Variants in SLC39A14 observed in about 807,000 individuals in gnomAD.
The protein encoded by SLC39A14 is solute carrier family 39 member 14.
A neutral mutation model predicts 45.5 loss-of-function variants in SLC39A14; 19 were observed. The observed-to-expected ratio is 0.42, with a 90% confidence interval of 0.29 to 0.61. SLC39A14 has a LOEUF of 0.61. Ranked by LOEUF, SLC39A14 falls within the 20% of genes least tolerant of loss-of-function variation. SLC39A14 has a pLI of 0.22. For synonymous variants in SLC39A14, 264 were observed against 251.3 expected, an observed-to-expected ratio of 1.05 and a Z score of -0.48; for missense variants, 447 against 616.5, an observed-to-expected ratio of 0.73 and a Z score of 2.91.
chr8:22,396,599 A>AGAGAGAGAGAGAGAGAGAGAG (rs1563535103), intron 1 of SLC39A14, among the ~76,000 whole-genome samples: 2 of 104,400 alleles, frequency 1.9e-5, no homozygotes, highest in Non-Finnish European at 2.0e-5. Context: ...AGAGAGAGAG[A>AGAGAGAGAGAGAGAGAGAGAG]AGACTAAGTG....
intron 1 of SLC39A14, among the ~76,000 whole-genome samples, chr8:22,395,257 C>T (rs1834320945): frequency 6.6e-6 from 1 of 152,126 alleles, no homozygotes; most frequent in South Asian, 2.1e-4. Context: ...TGAGCCACTG[C>T]ACCCAGCCAG....
At chr8:22,372,839 T>C (rs1220336460) in intron 1 of SLC39A14, among the ~76,000 whole-genome samples, 2 of 152,100 alleles carry the variant, frequency 1.3e-5, no homozygotes, top group Non-Finnish European at 2.9e-5. Context: ...TCTCACTACG[T>C]TACCCAAGCT....
intron 8 of SLC39A14, chr8:22,433,799 T>A (rs923906702): frequency 1.0e-5 from 2 of 197,994 alleles, no homozygotes; most frequent in African/African-American, 4.8e-5. Flanking sequence ...TGAGCTCAAG[T>A]GATCTTCCCG....
intron 5 of SLC39A14, chr8:22,415,200 G>A (rs1835801269): frequency 3.0e-6 from 1 of 338,532 alleles, no homozygotes; most frequent in South Asian, 3.6e-5. Context: ...ATGGGGAGAA[G>A]AGCTTGATAC....
rs374346653 is a variant in SLC39A14, at chr8:22,405,173, C to T, written c.270+193C>T. On this transcript the variant is annotated intron_variant, in intron 2 of 8. Coordinates refer to ENST00000381237, the MANE Select transcript of SLC39A14 (RefSeq NM_001128431.4). ...GAATCAGCAAATTCTGAGTCTTCTGCAGCACCTTCTGACCCCCTGCATAGG... is the reference window on the plus strand; with the variant it reads ...GAATCAGCAAATTCTGAGTCTTCTGTAGCACCTTCTGACCCCCTGCATAGG... 7.9e-5 allele frequency among the ~76,000 whole-genome samples: 12 copies of T among 152,360 alleles called. No individual in the cohort carries two copies. The East Asian group carries it at 2.3e-3, about 29-fold the overall frequency.
chr8:22,408,376 G>C lies in SLC39A14; in HGVS notation c.337G>C (p.Glu113Gln), dbSNP rs748892669. 5.6e-6 allele frequency: 9 copies of C among 1,614,144 alleles called. No individual in the cohort carries two copies. In the East Asian group the frequency reaches 2.0e-4, roughly 36 times the overall value. ...FSEQSRIGSS[E>Q]LQEFCPTILQ... ...CGAGCAGTCGCGGATTGGGAGCAGC[G>C]AGCTCCAGGAGTTCTGCCCCACCAT... The change falls in exon 3 of 9, where the codon GAG becomes CAG. Residue 113 changes from glutamate to glutamine, a missense_variant. Around this residue, in one of 2 missense-constraint regions of SLC39A14, gnomAD observed 342 missense variants for 428.1 expected, o/e 0.80. Transcript: ENST00000381237.
chr8:22,406,787 C>T (rs1194739997), intron 2 of SLC39A14, among the ~76,000 whole-genome samples: 1 of 152,180 alleles, frequency 6.6e-6, no homozygotes, highest in Non-Finnish European at 1.5e-5. Flanking sequence ...AGCACGCCCC[C>T]GTGCCCCCGC....
intron 2 of SLC39A14, among the ~76,000 whole-genome samples, chr8:22,407,780 C>T (rs1835313163): frequency 6.6e-6 from 1 of 151,420 alleles, no homozygotes; most frequent in Non-Finnish European, 1.5e-5. Context: ...GATCATAGCT[C>T]CTTCACTGTA....
chr8:22,417,995 CG>C (rs1356312686), intron 8 of SLC39A14, among the ~76,000 whole-genome samples, 160 bp downstream of exon 8: 11 of 151,868 alleles, frequency 7.2e-5, no homozygotes, highest in Non-Finnish European at 1.6e-4. Context: ...CTCCGCGTCC[CG>C]GGTTCAAGTG....
chr8:22,420,632 T>C lies in SLC39A14; in HGVS notation c.*934T>C, dbSNP rs1373786016. 1.0e-6 allele frequency: 1 copy of C among 985,224 alleles called. No individual in the cohort carries two copies. Among genetic ancestry groups the C allele is most frequent in the African/African-American group, 1.7e-5 (1 of 57,202 alleles). The allele number at this position is 985,224 out of a possible 1,614,324, so 61.0% of individuals were successfully genotyped here. A position where few individuals can be genotyped will look rare whatever the true frequency, so the allele number is the denominator to read the frequency against. On this transcript the variant is annotated 3_prime_UTR_variant, in exon 9 of 9. Transcript: ENST00000381237. Reference sequence around the variant, plus strand: ...ACTGCACAAACTATCCTCCCCCAGGTTGAGACGTCTGCAGAGTGGCAAGCT... The same window carrying C: ...ACTGCACAAACTATCCTCCCCCAGGCTGAGACGTCTGCAGAGTGGCAAGCT...
intron 3 of SLC39A14, chr8:22,410,243 G>A (rs191815220): frequency 4.7e-5 from 44 of 943,364 alleles, no homozygotes; most frequent in South Asian, 1.5e-4. Flanking sequence ...CCTGTCCCTC[G>A]TATCAAAGCC....
chr8:22,387,016 T>TA (rs1426349631), intron 1 of SLC39A14, among the ~76,000 whole-genome samples: 3 of 151,548 alleles, frequency 2.0e-5, no homozygotes, highest in Admixed American at 6.6e-5. Context: ...TACAAAACAA[T>TA]AAAAAAAGTA....
At chr8:22,424,142 A>G (rs945557264), downstream of SLC39A14, among the ~76,000 whole-genome samples, 14 of 152,106 alleles carry the variant, frequency 9.2e-5, no homozygotes, top group Non-Finnish European at 2.1e-4. Flanking sequence ...TGCATGATAG[A>G]AGAATTGTGG....
intron 1 of SLC39A14, among the ~76,000 whole-genome samples, chr8:22,400,177 C>T (rs574717730): frequency 1.3e-5 from 2 of 152,290 alleles, no homozygotes; most frequent in South Asian, 2.1e-4. Context: ...GTTAAGAAAG[C>T]ACTGAATTTA....
intron 1 of SLC39A14, among the ~76,000 whole-genome samples, chr8:22,394,746 C>T (rs1029068074): frequency 1.3e-5 from 2 of 152,092 alleles, no homozygotes; most frequent in African/African-American, 2.4e-5. Context: ...ATTGTTAAGT[C>T]GTATTTCCCC....
intron 1 of SLC39A14, among the ~76,000 whole-genome samples, chr8:22,373,369 A>G (rs1294250202): frequency 2.0e-5 from 3 of 152,182 alleles, no homozygotes; most frequent in African/African-American, 7.2e-5. Flanking sequence ...TTTTAAAATA[A>G]TTATTTATTG....
At chr8:22,424,614 T>C (rs1836351581), downstream of SLC39A14, among the ~76,000 whole-genome samples, 1 of 152,042 alleles carries the variant, frequency 6.6e-6, no homozygotes, top group Non-Finnish European at 1.5e-5. Flanking sequence ...TCTGCATACC[T>C]CAGTTACAGG....
At chr8:22,411,477 G>A (rs35447949) in intron 3 of SLC39A14, among the ~76,000 whole-genome samples, 1 of 152,232 alleles carries the variant, frequency 6.6e-6, no homozygotes, top group Non-Finnish European at 1.5e-5. Context: ...CATCTGGCTT[G>A]GTTGTGTCTT....
intron 1 of SLC39A14, among the ~76,000 whole-genome samples, chr8:22,373,122 G>T (rs1444207443): frequency 2.0e-5 from 3 of 152,030 alleles, no homozygotes; most frequent in Non-Finnish European, 2.9e-5. Flanking sequence ...AATTAGCTGG[G>T]TGTGGTGGTG....
Sources: allele counts gnomAD v4.1 joint callset (sites outside exome capture counted in the v4.1 genomes callset), GRCh38; gene constraint gnomAD v4.1.1; regional missense constraint gnomAD v4.1.1; transcripts MANE v1.5; gene names NCBI Gene and HGNC (gene_info 2026-07-23, HGNC 2026-07-21).